Variants in ZFAT observed in about 807,000 individuals in gnomAD.
The protein encoded by ZFAT is zinc finger and AT-hook domain containing.
A neutral mutation model predicts 117.7 loss-of-function variants in ZFAT; 64 were observed. That is an observed-to-expected ratio of 0.54 (90% CI 0.44 to 0.67). The LOEUF is 0.67. Ranked by LOEUF, ZFAT falls within the 30% of genes least tolerant of loss-of-function variation. ZFAT has a pLI of 0.00. For synonymous variants in ZFAT, 679 were observed against 615.0 expected (o/e 1.10, Z -1.54); for missense variants, 1,433 against 1,584.5 (o/e 0.90, Z 1.62).
At chr8:134,535,573 C>T (rs894033097) in intron 11 of ZFAT, among the ~76,000 whole-genome samples, 7 of 149,018 alleles carry the variant, frequency 4.7e-5, no homozygotes, top group Admixed American at 2.0e-4. Flanking sequence ...CCAGGGACTT[C>T]GCCCTACACC....
intron 1 of ZFAT, among the ~76,000 whole-genome samples, chr8:134,699,428 A>G (rs1171270267): frequency 1.3e-5 from 2 of 152,152 alleles, no homozygotes; most frequent in East Asian, 3.8e-4. Flanking sequence ...CCTAGTGAGG[A>G]GTGGACTCTG....
In ZFAT at chr8:134,629,443, T is replaced by C. The variant is rs368018667; in HGVS notation, c.448+8018A>G. Among the ~76,000 whole-genome samples the C allele has an allele frequency of 1.6e-4, 24 of 151,990 alleles. 1 individual carries two copies. The highest frequency in any genetic ancestry group is 6.3e-4 in the South Asian group (3 of 4,768). ...GGGCAGAACTGCACTTCTTGGGCCC[T>C]TGAACTCAGGTGGGGCCATGTGATT... is the stretch of plus-strand genomic sequence containing the variant. On this transcript the variant is annotated intron_variant, in intron 3 of 15. Transcript: ENST00000377838.
chr8:134,706,681 A>G (rs1834159576), intron 1 of ZFAT, among the ~76,000 whole-genome samples: 1 of 152,064 alleles, frequency 6.6e-6, no homozygotes, highest in Admixed American at 6.5e-5. Context: ...AACAAGAGCA[A>G]GACTCCATCT....
At chr8:134,671,294 C>T (rs1394787841) in intron 1 of ZFAT, among the ~76,000 whole-genome samples, 2 of 151,968 alleles carry the variant, frequency 1.3e-5, no homozygotes, top group Non-Finnish European at 2.9e-5. Context: ...GGCAGAGACA[C>T]AACAAAAAAA....
chr8:134,697,273 C>T (rs1447339198), intron 1 of ZFAT, among the ~76,000 whole-genome samples: 2 of 151,964 alleles, frequency 1.3e-5, no homozygotes, highest in East Asian at 2.0e-4. Flanking sequence ...GCCACCATGC[C>T]CAGCTAATTT....
chr8:134,588,841 G>C (rs1371419951), intron 8 of ZFAT, among the ~76,000 whole-genome samples: 1 of 152,220 alleles, frequency 6.6e-6, no homozygotes, highest in Admixed American at 6.5e-5. Flanking sequence ...ATTTTAAACA[G>C]ACTGATAATA....
At chr8:134,782,471 A>G in the ZFAT span, among the ~76,000 whole-genome samples, 3 of 152,200 alleles carry the variant, frequency 2.0e-5, no homozygotes, top group African/African-American at 7.2e-5. Flanking sequence ...GACTTTCCAT[A>G]GTTCTAAGCT....
At chr8:134,691,888 G>A (rs1268714253) in intron 1 of ZFAT, among the ~76,000 whole-genome samples, 1 of 152,188 alleles carries the variant, frequency 6.6e-6, no homozygotes, top group African/African-American at 2.4e-5. Flanking sequence ...ATGAAGACCA[G>A]AACATTTCCA....
intron 13 of ZFAT, 84 bp from the exon 14 acceptor site, chr8:134,512,685 C>A: frequency 6.6e-7 from 1 of 1,507,312 alleles, no homozygotes; most frequent in Non-Finnish European, 8.9e-7. Context: ...TAAGATAGAA[C>A]AAACGCATAT....
chr8:134,673,905 G>A (rs1322846655), intron 1 of ZFAT, among the ~76,000 whole-genome samples: 1 of 152,336 alleles, frequency 6.6e-6, no homozygotes, highest in East Asian at 1.9e-4. Flanking sequence ...CTGAGGTCAA[G>A]AGTTCGAGAC....
chr8:134,622,730 G>T (rs2131028216), intron 3 of ZFAT, among the ~76,000 whole-genome samples: 1 of 152,250 alleles, frequency 6.6e-6, no homozygotes, highest in East Asian at 1.9e-4. Flanking sequence ...GACCAGTGGA[G>T]GCACCAGCAG....
chr8:134,510,879 C>T (rs3824332), intron 14 of ZFAT: 23,319 of 152,284 alleles, frequency 0.15, 2,822 homozygotes, highest in African/African-American at 0.33. Context: ...CAAATCCTTA[C>T]AGCACCTGGC....
At chr8:134,707,290 C>T (rs144607912) in intron 1 of ZFAT, among the ~76,000 whole-genome samples, 8 of 152,294 alleles carry the variant, frequency 5.3e-5, no homozygotes, top group South Asian at 2.1e-4. Flanking sequence ...CCCATTCCTA[C>T]AGGAATCCGT....
chr8:134,601,524 C>T lies in ZFAT; in HGVS notation c.2195G>A (p.Cys732Tyr), dbSNP rs891624068. 5.6e-6 allele frequency: 9 copies of T among 1,614,198 alleles called. No individual in the cohort carries two copies. The highest frequency in any genetic ancestry group is 6.8e-6 in the Non-Finnish European group (8 of 1,180,028). Residue 732 changes from cysteine (C) to tyrosine (Y), a missense_variant, in exon 6 of 16, where the codon TGT becomes TAT. By Grantham distance (194) the Cys-to-Tyr change is radical. Coordinates refer to ENST00000377838, the MANE Select transcript of ZFAT (RefSeq NM_020863.4). ...TCCATAAACCTTCCGGATCCGCTCA[C>T]ACAAGCTGGTGTTCATTTGCTTCTT... ...LQKKQMNTSL[C>Y]ERIRKVYGDL...
chr8:134,818,831 T>C, the ZFAT span, among the ~76,000 whole-genome samples: 3 of 152,204 alleles, frequency 2.0e-5, no homozygotes, highest in South Asian at 2.1e-4. Flanking sequence ...TGGGTGAAAG[T>C]AGCCAGACAA....
chr8:134,753,786 A>G, the ZFAT span, among the ~76,000 whole-genome samples: 1 of 152,380 alleles, frequency 6.6e-6, no homozygotes, highest in South Asian at 2.1e-4. Context: ...AATACAGTGA[A>G]AAAACAGACA....
intron 1 of ZFAT, among the ~76,000 whole-genome samples, chr8:134,659,964 T>C (rs1443383564): frequency 6.6e-6 from 1 of 152,216 alleles, no homozygotes; most frequent in African/African-American, 2.4e-5. Flanking sequence ...AAGCAGAACA[T>C]TGCTTCGCCA....
intron 15 of ZFAT, among the ~76,000 whole-genome samples, chr8:134,490,762 C>T (rs753176842): frequency 2.0e-5 from 3 of 152,178 alleles, no homozygotes; most frequent in Non-Finnish European, 4.4e-5. Context: ...TCCCTGCATT[C>T]CTAAGTCCAT....
At chr8:134,787,989 C>A in the ZFAT span, among the ~76,000 whole-genome samples, 1 of 152,094 alleles carries the variant, frequency 6.6e-6, no homozygotes, top group Admixed American at 6.6e-5. Flanking sequence ...ATGCACACAA[C>A]CAGTTGTCTA....
Sources: allele counts gnomAD v4.1 joint callset (sites outside exome capture counted in the v4.1 genomes callset), GRCh38; gene constraint gnomAD v4.1.1; transcripts MANE v1.5; gene names NCBI Gene and HGNC (gene_info 2026-07-23, HGNC 2026-07-21).